TRMT1: variants seen among roughly 807,000 people sequenced by gnomAD.
TRMT1 encodes tRNA (guanine(26)-N(2))-dimethyltransferase.
TRMT1 carries 63 observed loss-of-function variants against 75.4 expected under a neutral mutation model. The observed-to-expected ratio is 0.84, with a 90% CI of 0.68 to 1.03. TRMT1 has a LOEUF of 1.03. Among genes scored for constraint, TRMT1 ranks in the 50% least tolerant of loss-of-function variants. TRMT1 has a pLI of 0.00. For synonymous variants in TRMT1, 382 were observed against 358.1 expected, an observed-to-expected ratio of 1.07 and a Z score of -0.75; for missense variants, 870 against 905.3, an observed-to-expected ratio of 0.96 and a Z score of 0.50.
Position 13,105,334 on chromosome 19 carries a change from T to A in TRMT1, c.1766A>T (p.Glu589Val), listed in dbSNP as rs1159361407. ...CCGCTGGGCCACATCTTCCGGCGGC[T>A]CCTTCCGCTTGTTCTGAAGCAGCCT... ...RRRLLQNKRK[E>V]PPEDVAQRAA... is the part of the protein sequence containing the mutation. The change falls in exon 16 of 17, where the codon GAG becomes GTG. Residue 589 changes from glutamate to valine, a missense_variant. Glu to Val is a moderately radical substitution (Grantham distance 121, BLOSUM62 -2). Transcript: ENST00000357720. 1 of 1,613,876 alleles carries A rather than the reference T, an allele frequency of 6.2e-7. No individual in the cohort carries two copies. The highest frequency in any genetic ancestry group is 1.3e-5 in the African/African-American group (1 of 74,942).
In TRMT1 at chr19:13,109,394, G is replaced by A. The variant is rs1482333064; in HGVS notation, c.1384C>T (p.Leu462Phe). ...SSTIHCNTPS[L>F]LQLRSALLHA... ...AGGGGCTCTTACCGCAACTGCAGGA[G>A]GCTTGGTGTGTTGCAGTGGATGGTG... The change falls in exon 12 of 17, where the codon CTC becomes TTC. Residue 462 changes from leucine to phenylalanine, a missense_variant. By Grantham distance (22) the Leu-to-Phe change is conservative. Coordinates refer to ENST00000357720, the MANE Select transcript of TRMT1 (RefSeq NM_001136035.4). 2 of 1,612,750 alleles carry A rather than the reference G, an allele frequency of 1.2e-6. No individual in the cohort carries two copies. Among genetic ancestry groups the A allele is most frequent in the African/African-American group, 2.7e-5 (2 of 74,846 alleles).
chr19:13,109,861 T>TA (rs776585275), intron 9 of TRMT1, 23 bp from the exon 10 acceptor site: 41 of 1,613,908 alleles, frequency 2.5e-5, no homozygotes, highest in Middle Eastern at 3.3e-4. Flanking sequence ...GGGTGGTTGG[T>TA]GGGGAGGGAG....
Position 13,112,933 on chromosome 19 carries a change from G to A in TRMT1, c.720C>T (p.Thr240=). 6.2e-7 allele frequency: 1 copy of A among 1,613,896 alleles called. No individual in the cohort carries two copies. The highest frequency in any genetic ancestry group is 1.1e-5 in the South Asian group (1 of 91,006). The part of the protein sequence containing the change: ...IDLDPYGSPA[T]FLDAAVQAVS... Reference sequence around the variant, plus strand: ...CAGCCTGCACAGCTGCATCCAGGAAGGTGGCTGGGCTGCCATAGGGGTCCA... The same window carrying A: ...CAGCCTGCACAGCTGCATCCAGGAAAGTGGCTGGGCTGCCATAGGGGTCCA... The change falls in exon 6 of 17, where the codon ACC becomes ACT. Residue 240 remains threonine (T), a synonymous_variant. Coordinates refer to ENST00000357720, the MANE Select transcript of TRMT1 (RefSeq NM_001136035.4).
rs1018029322 is a variant in TRMT1, at chr19:13,116,702, G to A, written c.-82C>T. ...GAATTAGTCAAGGTGCACGTTTCCC[G>A]AATTAGGACCTGGGCGCCGCCATGT... On this transcript the variant is annotated 5_prime_UTR_variant, in exon 1 of 17. Transcript: ENST00000357720. The A allele has an allele frequency of 6.0e-5, 24 of 402,452 alleles. No homozygotes were observed. The highest frequency in any genetic ancestry group is 1.3e-4 in the Admixed American group (3 of 23,716). 24.9% of individuals were successfully genotyped at this position (402,452 alleles called of 1,614,324 possible). A position where few individuals can be genotyped will look rare whatever the true frequency, so the allele number is the denominator to read the frequency against.
At chr19:13,110,884 A>C (rs781304532) in intron 7 of TRMT1, among the ~76,000 whole-genome samples, 22 of 152,242 alleles carry the variant, frequency 1.4e-4, no homozygotes, top group Admixed American at 6.5e-4. Flanking sequence ...TGGGAGGCGA[A>C]GGTTGCAGTT....
At chr19:13,106,990 A>ATTT (rs1240292694) in intron 14 of TRMT1, among the ~76,000 whole-genome samples, 2 of 121,236 alleles carry the variant, frequency 1.6e-5, no homozygotes, top group South Asian at 2.6e-4. Context: ...CGCCCGGCTA[A>ATTT]TTTTTTTTTT....
intron 16 of TRMT1, 59 bp from the exon 17 acceptor site, chr19:13,105,140 T>A: frequency 6.5e-7 from 1 of 1,548,398 alleles, no homozygotes; most frequent in Non-Finnish European, 8.7e-7. Context: ...CCTGATGGGA[T>A]CCTTTCCTGG....
In TRMT1 at chr19:13,115,440, C is replaced by T; in HGVS notation, c.480G>A (p.Leu160=). The stretch of plus-strand genomic sequence containing the variant: ...GAATGGAACGTAGGCCTGAAGCTGC[C>T]AGGCCTTCCAGCACATGCAGGCCTT... ...CEEGLHVLEG[L]AASGLRSIRF... The change falls in exon 5 of 17, where the codon CTG becomes CTA. Residue 160 remains leucine, a synonymous_variant. Transcript: ENST00000357720. 6.2e-7 allele frequency: 1 copy of T among 1,613,646 alleles called. No individual in the cohort carries two copies. The highest frequency in any genetic ancestry group is 8.5e-7 in the Non-Finnish European group (1 of 1,179,814).
intron 10 of TRMT1, 22 bp downstream of exon 10, chr19:13,109,747 G>C (rs1429126091): frequency 6.2e-7 from 1 of 1,613,910 alleles, no homozygotes; most frequent in Non-Finnish European, 8.5e-7. Flanking sequence ...TTGCTCCTTT[G>C]CCTCCCCTGG....
chr19:13,109,295 C>G, intron 12 of TRMT1, 86 bp downstream of exon 12: 1 of 1,503,374 alleles, frequency 6.7e-7, no homozygotes, highest in South Asian at 1.2e-5. Flanking sequence ...CACCCCCTCG[C>G]AAGTTCTATG....
Position 13,115,301 on chromosome 19 carries a change from G to T in TRMT1, c.619C>A (p.Gln207Lys), listed in dbSNP as rs2019294247. ...VQLNDVAHLV[Q>K]PSQADARMLM... is the part of the protein sequence containing the mutation. The stretch of plus-strand genomic sequence containing the variant: ...TACCGGGCATCTGCTTGGCTCGGCT[G>T]TACCAGGTGGGCCACGTCATTGAGC... Residue 207 changes from glutamine (Q) to lysine (K), a missense_variant, in exon 5 of 17, where the codon CAG becomes AAG. By Grantham distance (53) the Gln-to-Lys change is moderately conservative. Coordinates refer to ENST00000357720, the MANE Select transcript of TRMT1 (RefSeq NM_001136035.4). The T allele has an allele frequency of 1.2e-6, 2 of 1,613,218 alleles. No individual in the cohort carries two copies. Among genetic ancestry groups the T allele is most frequent in the Non-Finnish European group, 1.7e-6 (2 of 1,179,698 alleles).
intron 16 of TRMT1, 35 bp from the exon 17 acceptor site, chr19:13,105,116 G>A (rs760251487): frequency 4.5e-6 from 7 of 1,556,286 alleles, no homozygotes; most frequent in Admixed American, 1.8e-5. Flanking sequence ...ACCCCTGCCC[G>A]GAGCTCAGCA....
chr19:13,113,640 C>A (rs543502187), intron 5 of TRMT1, among the ~76,000 whole-genome samples: 36 of 151,694 alleles, frequency 2.4e-4, no homozygotes, highest in Non-Finnish European at 4.1e-4. Context: ...GACAGAGTCT[C>A]GCTGTGTCAC....
In TRMT1 at chr19:13,105,566, T is replaced by C. The variant is rs757797172; in HGVS notation, c.1624A>G (p.Ser542Gly). 6.8e-6 allele frequency: 11 copies of C among 1,613,866 alleles called. No individual in the cohort carries two copies. The South Asian group carries it at 1.2e-4, about 18-fold the overall frequency. ...NFTIREDANP[S>G]SRQRGLKRFQ... is the part of the protein sequence containing the mutation. ...CGCTTGAGTCCTCGCTGTCGGGAGC[T>C]GGGGTTGGCATCTTCCCGGATGGTG... Residue 542 changes from serine to glycine, a missense_variant, in exon 15 of 17, where the codon AGC becomes GGC. Coordinates refer to ENST00000357720, the MANE Select transcript of TRMT1 (RefSeq NM_001136035.4).
chr19:13,105,600 C>G lies in TRMT1; in HGVS notation c.1590G>C (p.Gln530His). ...FRILSVEPRL[Q>H]ANFTIREDAN... The stretch of plus-strand genomic sequence containing the variant: ...CATCTTCCCGGATGGTGAAGTTGGC[C>G]TGCAGCCTAGGGAAGCAGGGGTGGG... The change falls in exon 15 of 17, where the codon CAG becomes CAC. Residue 530 changes from glutamine (Q) to histidine (H), a missense_variant. Gln to His is a conservative substitution (Grantham distance 24). Transcript: ENST00000357720. 1 of 1,613,336 alleles carries G rather than the reference C, an allele frequency of 6.2e-7. No homozygotes were observed. Among genetic ancestry groups the G allele is most frequent in the Non-Finnish European group, 8.5e-7 (1 of 1,179,796 alleles).
In TRMT1 at chr19:13,116,708, G is replaced by A. The variant is rs575574425; in HGVS notation, c.-88C>T. 2,468 of 382,224 alleles carry A rather than the reference G, an allele frequency of 6.5e-3. 11 individuals carry two copies. Among genetic ancestry groups the A allele is most frequent in the Non-Finnish European group, 8.5e-3 (1,776 of 208,666 alleles). The allele number at this position is 382,224 out of a possible 1,614,324, so 23.7% of individuals were successfully genotyped here. A position where few individuals can be genotyped will look rare whatever the true frequency, so the allele number is the denominator to read the frequency against. The stretch of plus-strand genomic sequence containing the variant: ...GTCAAGGTGCACGTTTCCCGAATTA[G>A]GACCTGGGCGCCGCCATGTTGGCAC... On this transcript the variant is annotated 5_prime_UTR_variant, in exon 1 of 17. Coordinates refer to ENST00000357720, the MANE Select transcript of TRMT1 (RefSeq NM_001136035.4).
rs1599951054 is a variant in TRMT1 at position 13,112,729 on chromosome 19, G to C, written c.846C>G (p.Leu282=). 2.5e-6 allele frequency: 4 copies of C among 1,612,740 alleles called. 1 individual carries two copies. The South Asian group carries it at 4.4e-5, about 18-fold the overall frequency. ...CCATCTCGTGGCAGGCCCGGCTCTT[G>C]AGGGCCATGGCCCCGTACTTGCTGT... ...TCYSKYGAMA[L]KSRACHEMAL... The change falls in exon 7 of 17, where the codon CTC becomes CTG. Residue 282 remains leucine (L), a synonymous_variant. Transcript: ENST00000357720.
At chr19:13,112,844 A>ACCCTACTG in intron 6 of TRMT1, 27 bp from the exon 7 acceptor site, 5 of 1,613,514 alleles carry the variant, frequency 3.1e-6, no homozygotes, top group Non-Finnish European at 4.2e-6. Context: ...GGCAGTGAGA[A>ACCCTACTG]CCCTCCAACA....
chr19:13,106,813 T>A (rs565501506), intron 14 of TRMT1, among the ~76,000 whole-genome samples: 1 of 143,544 alleles, frequency 7.0e-6, no homozygotes, highest in South Asian at 2.3e-4. Flanking sequence ...TTATTTTTAT[T>A]TTTATTTATT....
Sources: allele counts gnomAD v4.1 joint callset (sites outside exome capture counted in the v4.1 genomes callset), GRCh38; gene constraint gnomAD v4.1.1; transcripts MANE v1.5; gene names NCBI Gene and HGNC (gene_info 2026-07-23, HGNC 2026-07-21).